The following MAP2K5 variants were observed in gnomAD, a reference collection of about 807,000 sequenced individuals.
MAP2K5 encodes dual specificity mitogen-activated protein kinase kinase 5.
A neutral mutation model predicts 83.1 loss-of-function variants in MAP2K5; 49 were observed. The ratio of observed to expected loss-of-function variants is 0.59; its 90% CI spans 0.47 to 0.75. The LOEUF is 0.75. Among genes scored for constraint, MAP2K5 ranks in the 30% least tolerant of loss-of-function variants. The pLI, the probability that MAP2K5 is intolerant of heterozygous loss-of-function variation, is 0.00. For missense variants in MAP2K5, 457 were observed against 557.5 expected (o/e 0.82, Z 1.82); for synonymous variants, 202 against 191.8 (o/e 1.05, Z -0.44).
intron 21 of MAP2K5, among the ~76,000 whole-genome samples, chr15:67,787,984 T>C (rs1179732738): frequency 6.6e-6 from 1 of 152,028 alleles, no homozygotes; most frequent in African/African-American, 2.4e-5. Flanking sequence ...TGGGAAAAAA[T>C]GGAGGAATGA....
chr15:67,787,767 T>C (rs1454397094), intron 21 of MAP2K5, among the ~76,000 whole-genome samples: 1 of 152,270 alleles, frequency 6.6e-6, no homozygotes, highest in South Asian at 2.1e-4. Flanking sequence ...ATGCAAAATT[T>C]AAATGAGATT....
At position 67,586,858 on chromosome 15, in the gene MAP2K5, G is replaced by GCCGGACCCTCTCAACACAGCAGC; in HGVS notation, c.379_401dup (p.Ala135AspfsTer19). 6.2e-7 allele frequency: 1 copy of GCCGGACCCTCTCAACACAGCAGC among 1,614,128 alleles called. No homozygotes were observed. Among genetic ancestry groups the GCCGGACCCTCTCAACACAGCAGC allele is most frequent in the Non-Finnish European group, 8.5e-7 (1 of 1,180,018 alleles). On this transcript the variant is annotated frameshift_variant, in exon 6 of 22. Coordinates refer to ENST00000178640, the MANE Select transcript of MAP2K5 (RefSeq NM_145160.3). LOFTEE classifies it high-confidence loss of function. ...TCTTTACTTATAGGTGAATACTCGG[G>GCCGGACCCTCTCAACACAGCAGC]CCGGACCCTCTCAACACAGCAGCCC...
chr15:67,594,779 C>T (rs1056574767), intron 7 of MAP2K5, among the ~76,000 whole-genome samples: 1 of 151,768 alleles, frequency 6.6e-6, no homozygotes, highest in African/African-American at 2.4e-5. Flanking sequence ...TAAGGATTAG[C>T]CTTTCTTACA....
intron 21 of MAP2K5, 110 bp from the exon 22 acceptor site, chr15:67,806,536 A>G: frequency 2.1e-6 from 2 of 934,564 alleles, no homozygotes; most frequent in Admixed American, 2.7e-5. Flanking sequence ...GTTACCTCAC[A>G]GGGTTACTGG....
intron 8 of MAP2K5, among the ~76,000 whole-genome samples, chr15:67,603,588 T>G (rs2085711441): frequency 6.6e-6 from 1 of 152,196 alleles, no homozygotes; most frequent in Non-Finnish European, 1.5e-5. Context: ...GATACCAAAT[T>G]GCATAACCGC....
intron 13 of MAP2K5, among the ~76,000 whole-genome samples, chr15:67,670,073 G>A (rs1219470937): frequency 6.6e-6 from 1 of 152,068 alleles, no homozygotes; most frequent in African/African-American, 2.4e-5. Flanking sequence ...TGGAAAAACA[G>A]ACTGTAATAC....
intron 8 of MAP2K5, among the ~76,000 whole-genome samples, chr15:67,630,376 T>C (rs1335335754): frequency 6.6e-6 from 1 of 152,218 alleles, no homozygotes; most frequent in African/African-American, 2.4e-5. Context: ...TATTTCACTA[T>C]ATCTGTTACT....
intron 11 of MAP2K5, among the ~76,000 whole-genome samples, chr15:67,650,075 GCTT>G (rs2086916511): frequency 6.6e-6 from 1 of 151,850 alleles, no homozygotes; most frequent in African/African-American, 2.4e-5. Flanking sequence ...TGTTAAATTT[GCTT>G]CTAAGTTTTT....
chr15:67,711,008 T>C (rs985811523), intron 16 of MAP2K5, among the ~76,000 whole-genome samples: 32 of 152,226 alleles, frequency 2.1e-4, no homozygotes, highest in Non-Finnish European at 4.4e-5. Flanking sequence ...CAGCTGAAGG[T>C]AATATCTTCT....
chr15:67,642,436 C>T, intron 9 of MAP2K5: 1 of 1,611,186 alleles, frequency 6.2e-7, no homozygotes. Flanking sequence ...GATGCATGCT[C>T]AAGGCAGAAT....
chr15:67,799,468 G>A (rs1169981284), intron 21 of MAP2K5, among the ~76,000 whole-genome samples: 3 of 152,274 alleles, frequency 2.0e-5, no homozygotes, highest in Non-Finnish European at 4.4e-5. Flanking sequence ...GGAAGAGAGA[G>A]CAGGTGGTAT....
chr15:67,620,871 G>A (rs2086165473), intron 8 of MAP2K5, among the ~76,000 whole-genome samples: 1 of 152,022 alleles, frequency 6.6e-6, no homozygotes, highest in Admixed American at 6.6e-5. Context: ...TGGAATAAAG[G>A]GAGAATAATT....
In MAP2K5 at chr15:67,755,862, A is replaced by G. The variant is rs1295896288; in HGVS notation, c.1134+7261A>G. 6.6e-6 allele frequency among the ~76,000 whole-genome samples: 1 copy of G among 152,178 alleles called. No individual in the cohort carries two copies. The highest frequency in any genetic ancestry group is 2.4e-5 in the African/African-American group (1 of 41,424). The stretch of plus-strand genomic sequence containing the variant: ...GTCTGTTTCCATCTTAAGCAAATCC[A>G]CTTTAGTCCTTCTTATCATCAGGGA... On this transcript the variant is annotated intron_variant, in intron 19 of 21. Transcript: ENST00000178640. The surrounding 1 kb of genome is among the most constrained non-coding windows in gnomAD (Gnocchi z 4.7).
At position 67,544,302 on chromosome 15, in the gene MAP2K5, C is replaced by A. The variant is rs2583589; in HGVS notation, c.135+832C>A. Among the ~76,000 whole-genome samples, 1,244 of 152,128 alleles carry A rather than the reference C, an allele frequency of 8.2e-3. 37 individuals carry two copies. Among genetic ancestry groups the A allele is most frequent in the Admixed American group, 0.06 (911 of 15,292 alleles). On this transcript the variant is annotated intron_variant, in intron 1 of 21. Coordinates refer to ENST00000178640, the MANE Select transcript of MAP2K5 (RefSeq NM_145160.3). ...ATTAAAATGAGTCCAGTTTCAGAGA[C>A]GGTAAAAGTAAGGGAAAATGTGCAT...
At chr15:67,571,921 T>C (rs919929908) in intron 3 of MAP2K5, among the ~76,000 whole-genome samples, 1 of 152,150 alleles carries the variant, frequency 6.6e-6, no homozygotes, top group Non-Finnish European at 1.5e-5. Flanking sequence ...GTACAGTTCA[T>C]GCCCTCCAGG....
In MAP2K5 at chr15:67,794,777, C is replaced by G. The variant is rs1369642774; in HGVS notation, c.1243-11869C>G. Among the ~76,000 whole-genome samples, 1 of 152,178 alleles carries G rather than the reference C, an allele frequency of 6.6e-6. No homozygotes were observed. Among genetic ancestry groups the G allele is most frequent in the Non-Finnish European group, 1.5e-5 (1 of 68,034 alleles). On this transcript the variant is annotated intron_variant, in intron 21 of 21. Coordinates refer to ENST00000178640, the MANE Select transcript of MAP2K5 (RefSeq NM_145160.3). This position sits in a 1 kb window ranked among gnomAD's most constrained non-coding sequence, Gnocchi z 4.6. ...ATTTGATAGCAGCAAAAATTTTCCACTTTGGCTCAGTCTTTGTGTAAATGG... is the reference window on the plus strand; with the variant it reads ...ATTTGATAGCAGCAAAAATTTTCCAGTTTGGCTCAGTCTTTGTGTAAATGG...
chr15:67,789,505 G>A (rs1205609343), intron 21 of MAP2K5, among the ~76,000 whole-genome samples: 1 of 152,144 alleles, frequency 6.6e-6, no homozygotes, highest in Non-Finnish European at 1.5e-5. Context: ...CCTGAGGTCA[G>A]GAGTTCGAGA....
rs1401272944 is a variant in MAP2K5 at position 67,755,765 on chromosome 15, A to G, written c.1134+7164A>G. Among the ~76,000 whole-genome samples the G allele has an allele frequency of 2.6e-5, 4 of 152,236 alleles. No individual in the cohort carries two copies. The highest frequency in any genetic ancestry group is 1.9e-4 in the East Asian group (1 of 5,206). On this transcript the variant is annotated intron_variant, in intron 19 of 21. Coordinates refer to ENST00000178640, the MANE Select transcript of MAP2K5 (RefSeq NM_145160.3). This position sits in a 1 kb window ranked among gnomAD's most constrained non-coding sequence, Gnocchi z 4.7. ...GTTAAATAGAGTCATAAGAACTTGC[A>G]GAAGACATAGACTTTTATAAGTGGG...
intron 1 of MAP2K5, among the ~76,000 whole-genome samples, chr15:67,547,460 T>TC (rs796521102): frequency 5.2e-4 from 78 of 149,700 alleles, no homozygotes; most frequent in African/African-American, 1.9e-3. Context: ...TTTTTCTTTT[T>TC]TTTTTTTTTT....
Sources: gnomAD v4.1 joint callset for allele counts (sites outside exome capture counted in the v4.1 genomes callset) on GRCh38, gnomAD v4.1.1 for gene constraint, Gnocchi (gnomAD v3.1) non-coding constraint, MANE v1.5 for transcripts, NCBI Gene and HGNC (gene_info 2026-07-23, HGNC 2026-07-21) for gene names.